Variants in ATP8B1 observed in about 807,000 individuals in gnomAD.
The protein encoded by ATP8B1 is ATPase phospholipid transporting 8B1.
A neutral mutation model predicts 149.9 loss-of-function variants in ATP8B1; 80 were observed. The observed-to-expected ratio is 0.53, with a 90% confidence interval of 0.45 to 0.64. The LOEUF is 0.64. Ranked by LOEUF, ATP8B1 falls within the 30% of genes least tolerant of loss-of-function variation. The probability of loss-of-function intolerance (pLI) is 0.00; values close to 1 mark genes in which losing one functional copy is unlikely to be tolerated. For missense variants in ATP8B1, 1,247 were observed against 1,552.6 expected (o/e 0.80, Z 3.31); for synonymous variants, 536 against 562.8 (o/e 0.95, Z 0.67).
chr18:57,687,415 A>C (rs1429260429), intron 13 of ATP8B1, among the ~76,000 whole-genome samples: 1 of 152,190 alleles, frequency 6.6e-6, no homozygotes, highest in Non-Finnish European at 1.5e-5. Context: ...CATTATTGGA[A>C]CGCTAAGCAT....
intron 4 of ATP8B1, among the ~76,000 whole-genome samples, chr18:57,704,333 T>C (rs2122961355): frequency 6.6e-6 from 1 of 152,318 alleles, no homozygotes; most frequent in Non-Finnish European, 1.5e-5. Flanking sequence ...ACATGAAATT[T>C]TTTAAAATAC....
chr18:57,662,468 A>G lies in ATP8B1; in HGVS notation c.2418+15T>C. The G allele has an allele frequency of 6.2e-7, 1 of 1,614,076 alleles. No individual in the cohort carries two copies. Among genetic ancestry groups the G allele is most frequent in the African/African-American group, 1.3e-5 (1 of 75,060 alleles). On this transcript the variant is annotated intron_variant, in intron 21 of 27. Coordinates refer to ENST00000648908, the MANE Select transcript of ATP8B1 (RefSeq NM_001374385.1). Reference sequence around the variant, plus strand: ...TCTTTTGAGTTAAAGGCACAGATACACTAATGATACGTACCAACCAAGAAC... The same window carrying G: ...TCTTTTGAGTTAAAGGCACAGATACGCTAATGATACGTACCAACCAAGAAC...
chr18:57,802,832 C>G lies in ATP8B1; in HGVS notation c.-26+166G>C, dbSNP rs1023486087. Among the ~76,000 whole-genome samples, 9 of 152,254 alleles carry G rather than the reference C, an allele frequency of 5.9e-5. No homozygotes were observed. Among genetic ancestry groups the G allele is most frequent in the Non-Finnish European group, 1.2e-4 (8 of 68,040 alleles). ...CTCGGGGGCTCCCAGCACCTCCACC[C>G]AAATCCCACCTGTGCGGGCTCGGGA... is the stretch of plus-strand genomic sequence containing the variant. On this transcript the variant is annotated intron_variant, in intron 1 of 27. Transcript: ENST00000648908. The surrounding 1 kb of genome is among the most constrained non-coding windows in gnomAD (Gnocchi z 4.9).
intron 1 of ATP8B1, among the ~76,000 whole-genome samples, chr18:57,767,340 A>G (rs2080220238): frequency 6.6e-6 from 1 of 152,202 alleles, no homozygotes; most frequent in African/African-American, 2.4e-5. Flanking sequence ...TCTGCTGCTC[A>G]GGTAAGAAAA....
chr18:57,717,778 C>A (rs1013849013), intron 2 of ATP8B1, among the ~76,000 whole-genome samples: 1 of 151,108 alleles, frequency 6.6e-6, no homozygotes, highest in African/African-American at 2.4e-5. Context: ...CTCTGTTGCC[C>A]AGGCTGGAGT....
At chr18:57,789,110 G>A (rs961465778) in intron 1 of ATP8B1, among the ~76,000 whole-genome samples, 5 of 152,066 alleles carry the variant, frequency 3.3e-5, no homozygotes, top group African/African-American at 1.2e-4. Flanking sequence ...AGTTATATCT[G>A]ACATTAACAT....
At chr18:57,674,331 G>T (rs1485741423) in intron 16 of ATP8B1, among the ~76,000 whole-genome samples, 6 of 151,100 alleles carry the variant, frequency 4.0e-5, no homozygotes, top group African/African-American at 1.2e-4. Context: ...GAGATACTGT[G>T]GCTACCCCTT....
At chr18:57,716,417 T>TA (rs879472357) in intron 2 of ATP8B1, among the ~76,000 whole-genome samples, 159 of 141,396 alleles carry the variant, frequency 1.1e-3, no homozygotes, top group African/African-American at 2.8e-3. Context: ...TGAATAGATT[T>TA]AAAAAAAAAA....
chr18:57,669,599 C>G (rs1911105520), intron 17 of ATP8B1, 117 bp from the exon 18 acceptor site: 2 of 961,266 alleles, frequency 2.1e-6, no homozygotes, highest in Non-Finnish European at 1.6e-6. Flanking sequence ...AAAAAGAGAT[C>G]ATTAAACATG....
intron 1 of ATP8B1, among the ~76,000 whole-genome samples, chr18:57,790,285 C>G (rs2080450566): frequency 1.3e-5 from 2 of 152,146 alleles, no homozygotes; most frequent in East Asian, 3.9e-4. Context: ...CTCCTTGCTT[C>G]TGGCCTCATT....
chr18:57,790,664 A>AT (rs971547823), intron 1 of ATP8B1, among the ~76,000 whole-genome samples: 2 of 152,142 alleles, frequency 1.3e-5, no homozygotes, highest in Non-Finnish European at 2.9e-5. Flanking sequence ...TCCCTGGGCC[A>AT]TTTTTTAAAT....
intron 19 of ATP8B1, 25 bp from the exon 20 acceptor site, chr18:57,667,192 A>G: frequency 6.4e-7 from 1 of 1,551,486 alleles, no homozygotes; most frequent in Non-Finnish European, 8.9e-7. Context: ...AATTAAGTCA[A>G]ATGTCATTCC....
Position 57,778,212 on chromosome 18 carries a change from G to T in ATP8B1, c.-26+24786C>A, listed in dbSNP as rs529363422. 1.3e-4 allele frequency among the ~76,000 whole-genome samples: 18 copies of T among 143,138 alleles called. No homozygotes were observed. The East Asian group carries it at 3.0e-3, about 24-fold the overall frequency. The allele number at this position is 143,138 out of a possible 152,430, so 93.9% of individuals were successfully genotyped here. On this transcript the variant is annotated intron_variant, in intron 1 of 27. Coordinates refer to ENST00000648908, the MANE Select transcript of ATP8B1 (RefSeq NM_001374385.1). ...TGAACCACAAGTATTTATAATCTCA[G>T]TTTCTTTTTCTTTTTCTTTTTTTTT... is the stretch of plus-strand genomic sequence containing the variant.
At chr18:57,652,290 G>T in intron 25 of ATP8B1, 118 bp from the exon 26 acceptor site, 1 of 1,475,318 alleles carries the variant, frequency 6.8e-7, no homozygotes. Context: ...CTTGAATACT[G>T]GACCAGAAAC....
chr18:57,702,810 T>G (rs1461366082), intron 4 of ATP8B1, among the ~76,000 whole-genome samples: 1 of 146,152 alleles, frequency 6.8e-6, no homozygotes, highest in East Asian at 2.0e-4. Context: ...TGAGCTGAGA[T>G]CACGCCATTG....
At chr18:57,732,245 G>GTA (rs1285145946) in intron 1 of ATP8B1, among the ~76,000 whole-genome samples, 4 of 27,502 alleles carry the variant, frequency 1.5e-4, no homozygotes, top group African/African-American at 4.4e-4. Context: ...GTATATATAT[G>GTA]TATATATGTA....
intron 2 of ATP8B1, among the ~76,000 whole-genome samples, chr18:57,707,079 G>T (rs545195602): frequency 6.6e-6 from 1 of 152,170 alleles, no homozygotes; most frequent in Non-Finnish European, 1.5e-5. Flanking sequence ...GGCCAAGGCG[G>T]GTGAATCACG....
chr18:57,688,241 A>C, intron 13 of ATP8B1, 58 bp downstream of exon 13: 2 of 1,541,852 alleles, frequency 1.3e-6, no homozygotes, highest in Non-Finnish European at 1.8e-6. Flanking sequence ...CCAAGTAATG[A>C]CCTGCACACG....
At chr18:57,652,874 G>C in intron 24 of ATP8B1, 145 bp from the exon 25 acceptor site, 1 of 1,013,762 alleles carries the variant, frequency 9.9e-7, no homozygotes, top group Admixed American at 1.9e-5. Context: ...GATCAATCCT[G>C]CAATATTTGT....
Sources: allele counts gnomAD v4.1 joint callset (sites outside exome capture counted in the v4.1 genomes callset), GRCh38; gene constraint gnomAD v4.1.1; non-coding constraint Gnocchi (gnomAD v3.1); transcripts MANE v1.5; gene names NCBI Gene and HGNC (gene_info 2026-07-23, HGNC 2026-07-21).